The following HDAC4 variants were observed in gnomAD, a reference collection of about 807,000 sequenced individuals.
The protein encoded by HDAC4 is histone deacetylase 4.
HDAC4 carries 16 observed loss-of-function variants against 135.1 expected under a neutral mutation model. The ratio of observed to expected loss-of-function variants is 0.12; its 90% CI spans 0.08 to 0.18. HDAC4 has a LOEUF of 0.18. HDAC4 is among the 10% of genes least tolerant of loss of function. The pLI, the probability that HDAC4 is intolerant of heterozygous loss-of-function variation, is 1.00. For missense variants in HDAC4, 1,143 were observed against 1,511.8 expected, an observed-to-expected ratio of 0.76 and a Z score of 4.05; for synonymous variants, 685 against 653.4, an observed-to-expected ratio of 1.05 and a Z score of -0.74.
Position 239,372,358 on chromosome 2 carries a change from A to G in HDAC4, c.-219-19440T>C, listed in dbSNP as rs187253432. On this transcript the variant is annotated intron_variant, in intron 1 of 26. Transcript: ENST00000543185. ...TTAAGAAGCAACACCTCAGCCATGCACTCCCATTTACAAAAGTCGTTGTTA... is the reference window on the plus strand; with the variant it reads ...TTAAGAAGCAACACCTCAGCCATGCGCTCCCATTTACAAAAGTCGTTGTTA... Among the ~76,000 whole-genome samples the G allele has an allele frequency of 1.1e-4, 16 of 152,228 alleles. No homozygotes were observed. The East Asian group carries it at 2.9e-3, about 28-fold the overall frequency.
chr2:239,368,070 A>G (rs1161226070), intron 1 of HDAC4, among the ~76,000 whole-genome samples: 2 of 152,206 alleles, frequency 1.3e-5, no homozygotes, highest in Admixed American at 1.3e-4. Flanking sequence ...ATACTTCAAA[A>G]TCCAAAAACT....
chr2:239,387,827 G>A (rs1227140291), intron 1 of HDAC4, among the ~76,000 whole-genome samples: 5 of 152,000 alleles, frequency 3.3e-5, no homozygotes, highest in African/African-American at 4.8e-5. Context: ...TGGAGGAGCC[G>A]CGCCTCCTGC....
chr2:239,394,734 C>T (rs941307455), intron 1 of HDAC4, among the ~76,000 whole-genome samples: 2 of 152,264 alleles, frequency 1.3e-5, no homozygotes, highest in Non-Finnish European at 2.9e-5. Flanking sequence ...GAGGTGGGGC[C>T]TCACCCCAGC....
chr2:239,370,600 A>T (rs1694537336), intron 1 of HDAC4, among the ~76,000 whole-genome samples: 1 of 152,170 alleles, frequency 6.6e-6, no homozygotes, highest in African/African-American at 2.4e-5. Context: ...CATGCACTGT[A>T]TGGTTAACGG....
intron 1 of HDAC4, among the ~76,000 whole-genome samples, chr2:239,384,082 C>A (rs976344299): frequency 6.6e-6 from 1 of 152,224 alleles, no homozygotes. Flanking sequence ...AGCTCGTGGG[C>A]AACCCTCCAT....
At chr2:239,276,793 C>T (rs1364899530) in intron 2 of HDAC4, among the ~76,000 whole-genome samples, 1 of 152,228 alleles carries the variant, frequency 6.6e-6, no homozygotes, top group Non-Finnish European at 1.5e-5. Flanking sequence ...GGCAAGACGG[C>T]AGAGGGAGGC....
At position 239,190,863 on chromosome 2, in the gene HDAC4, A is replaced by G; in HGVS notation, c.95-786T>C. 2 of 422,578 alleles carry G rather than the reference A, an allele frequency of 4.7e-6. 1 individual carries two copies. Among genetic ancestry groups the G allele is most frequent in the Middle Eastern group, 7.0e-4 (2 of 2,876 alleles). 26.2% of individuals were successfully genotyped at this position (422,578 alleles called of 1,614,324 possible). A position where few individuals can be genotyped will look rare whatever the true frequency, so the allele number is the denominator to read the frequency against. On this transcript the variant is annotated intron_variant, in intron 3 of 26. Transcript: ENST00000543185. Reference sequence around the variant, plus strand: ...ATCAATACCAAATGAAAGTGAGAAAAGTAACACAGGAAGAAGGGTAGGTTT... The same window carrying G: ...ATCAATACCAAATGAAAGTGAGAAAGGTAACACAGGAAGAAGGGTAGGTTT...
Position 239,248,866 on chromosome 2 carries a change from T to A in HDAC4, c.23-12202A>T, listed in dbSNP as rs2048618881. On this transcript the variant is annotated intron_variant, in intron 2 of 26. Coordinates refer to ENST00000543185, the MANE Select transcript of HDAC4 (RefSeq NM_001378414.1). ...ACTCATTCAAGCCTCAAGGTCAACA[T>A]CCCATCACTGGCTCATTCATTCAAG... is the stretch of plus-strand genomic sequence containing the variant. 2.0e-5 allele frequency among the ~76,000 whole-genome samples: 3 copies of A among 152,180 alleles called. No individual in the cohort carries two copies. The South Asian group carries it at 6.2e-4, about 32-fold the overall frequency.
At chr2:239,227,460 C>T (rs1466245533) in intron 3 of HDAC4, among the ~76,000 whole-genome samples, 1 of 152,194 alleles carries the variant, frequency 6.6e-6, no homozygotes, top group Non-Finnish European at 1.5e-5. Flanking sequence ...CAGCGGCCAG[C>T]ACCCTGCATG....
At chr2:239,210,337 A>C (rs1405996747) in intron 3 of HDAC4, among the ~76,000 whole-genome samples, 2 of 152,194 alleles carry the variant, frequency 1.3e-5, no homozygotes, top group African/African-American at 2.4e-5. Context: ...CAAAAACAAA[A>C]ATAAACAAGC....
intron 1 of HDAC4, among the ~76,000 whole-genome samples, chr2:239,391,270 A>C (rs1341521646): frequency 6.6e-6 from 1 of 152,152 alleles, no homozygotes; most frequent in Non-Finnish European, 1.5e-5. Context: ...TCAAGAGTCT[A>C]ATCTCTGTAA....
rs1439199885 is a variant in HDAC4, at chr2:239,298,221, G to A, written c.22+54457C>T. ...CAGCAGAGGCCCGTCTCGGTATTCCGGAAGCAGCCAGACCTAAGATCAAAT... is the reference window on the plus strand; with the variant it reads ...CAGCAGAGGCCCGTCTCGGTATTCCAGAAGCAGCCAGACCTAAGATCAAAT... On this transcript the variant is annotated intron_variant, in intron 2 of 26. Coordinates refer to ENST00000543185, the MANE Select transcript of HDAC4 (RefSeq NM_001378414.1). The A allele has an allele frequency of 1.1e-5, 14 of 1,289,460 alleles. No individual in the cohort carries two copies. In the East Asian group the frequency reaches 1.7e-4, roughly 15 times the overall value. The allele number at this position is 1,289,460 out of a possible 1,614,324, so 79.9% of individuals were successfully genotyped here. A position where few individuals can be genotyped will look rare whatever the true frequency, so the allele number is the denominator to read the frequency against.
intron 3 of HDAC4, among the ~76,000 whole-genome samples, chr2:239,206,196 T>G (rs2046034717): frequency 6.6e-6 from 1 of 152,044 alleles, no homozygotes; most frequent in Non-Finnish European, 1.5e-5. Flanking sequence ...AGTGTGGTGG[T>G]GCATGCCTGT....
intron 1 of HDAC4, among the ~76,000 whole-genome samples, chr2:239,377,044 A>G (rs1462971447): frequency 6.6e-6 from 1 of 151,634 alleles, no homozygotes; most frequent in African/African-American, 2.4e-5. Flanking sequence ...TGGAACCAAC[A>G]CCTTACCCGT....
chr2:239,227,902 G>A (rs2047333941), intron 3 of HDAC4, among the ~76,000 whole-genome samples: 1 of 152,210 alleles, frequency 6.6e-6, no homozygotes. Context: ...AGGTCTCCCA[G>A]CTGCTTCCAT....
chr2:239,300,200 C>T (rs1476629086), intron 2 of HDAC4, among the ~76,000 whole-genome samples: 1 of 152,182 alleles, frequency 6.6e-6, no homozygotes, highest in Non-Finnish European at 1.5e-5. Context: ...ACAAGCATCC[C>T]CTCTTTTTAC....
At chr2:239,191,477 C>T (rs2153046845) in intron 3 of HDAC4, among the ~76,000 whole-genome samples, 1 of 152,384 alleles carries the variant, frequency 6.6e-6, no homozygotes, top group South Asian at 2.1e-4. Flanking sequence ...TTTCCACAGT[C>T]ACTGCCCAGG....
At chr2:239,339,248 C>T (rs1692140154) in intron 2 of HDAC4, among the ~76,000 whole-genome samples, 1 of 152,238 alleles carries the variant, frequency 6.6e-6, no homozygotes, top group African/African-American at 2.4e-5. Context: ...CCCCACTGCT[C>T]ACTGTCCCAG....
At chr2:239,329,507 G>GGGACACCCCTCCTCCCACCA (rs1691412538) in intron 2 of HDAC4, among the ~76,000 whole-genome samples, 1 of 151,858 alleles carries the variant, frequency 6.6e-6, no homozygotes, top group African/African-American at 2.4e-5. Flanking sequence ...TCCTCCCACC[G>GGGACACCCCTCCTCCCACCA]GGACACCCCT....
Sources: gnomAD v4.1 joint callset for allele counts (sites outside exome capture counted in the v4.1 genomes callset) on GRCh38, gnomAD v4.1.1 for gene constraint, MANE v1.5 for transcripts, NCBI Gene and HGNC (gene_info 2026-07-23, HGNC 2026-07-21) for gene names.